PKP2: variants seen among roughly 807,000 people sequenced by gnomAD.
PKP2 encodes plakophilin-2.
Under a neutral mutation model 83.4 loss-of-function variants are expected in PKP2, and 73 were observed. That is an observed-to-expected ratio of 0.88 (90% CI 0.72 to 1.06). The LOEUF (loss-of-function observed/expected upper bound fraction) is 1.06, where lower values mean the gene tolerates loss of function less well. Ranked by LOEUF, PKP2 falls within the 50% of genes least tolerant of loss-of-function variation. The pLI is 0.00. For missense variants in PKP2, 966 were observed against 1,065.4 expected (o/e 0.91, Z 1.30); for synonymous variants, 409 against 430.4 (o/e 0.95, Z 0.62).
intron 9 of PKP2, 92 bp downstream of exon 9, chr12:32,821,264 T>C (rs1433130418): frequency 5.1e-6 from 6 of 1,170,120 alleles, no homozygotes; most frequent in Non-Finnish European, 7.6e-6. Flanking sequence ...GAAACCTTTT[T>C]CTCTTCCCTC....
chr12:32,893,601 T>C (rs917002305), intron 1 of PKP2: 2 of 152,214 alleles, frequency 1.3e-5, no homozygotes, highest in African/African-American at 2.4e-5. Context: ...CTCTGTCTGA[T>C]TTGTACTTCT....
intron 4 of PKP2, among the ~76,000 whole-genome samples, chr12:32,851,833 G>C (rs1956698786): frequency 6.6e-6 from 1 of 152,154 alleles, no homozygotes; most frequent in African/African-American, 2.4e-5. Flanking sequence ...ACTTATGCAA[G>C]CACTTTAAGC....
intron 3 of PKP2, among the ~76,000 whole-genome samples, chr12:32,872,112 A>G (rs1353478463): frequency 1.3e-5 from 2 of 152,202 alleles, no homozygotes; most frequent in African/African-American, 4.8e-5. Context: ...ACCCCTGAAC[A>G]TATTCTCCAG....
At chr12:32,833,925 T>C (rs7301365) in intron 6 of PKP2, among the ~76,000 whole-genome samples, 14,043 of 152,230 alleles carry the variant, frequency 0.092, 893 homozygotes, top group Non-Finnish European at 0.13. Flanking sequence ...GAAACTATAG[T>C]AACTCAGGAA....
intron 9 of PKP2, among the ~76,000 whole-genome samples, chr12:32,809,512 G>C (rs1956257909): frequency 6.6e-6 from 1 of 152,356 alleles, no homozygotes; most frequent in Middle Eastern, 3.4e-3. Flanking sequence ...CTTAACTTGT[G>C]AGGTGCTGTG....
intron 10 of PKP2, among the ~76,000 whole-genome samples, chr12:32,800,138 C>A (rs550384601): frequency 2.0e-5 from 3 of 152,252 alleles, no homozygotes; most frequent in East Asian, 1.9e-4. Flanking sequence ...CTTCTGAATA[C>A]GTGTTGTGTT....
chr12:32,890,008 G>A (rs1236402030), intron 1 of PKP2, among the ~76,000 whole-genome samples: 2 of 149,278 alleles, frequency 1.3e-5, no homozygotes, highest in Non-Finnish European at 3.0e-5. Flanking sequence ...CCGAGGAGAC[G>A]GAGGTTGCAG....
chr12:32,827,066 G>A (rs1956448712), intron 6 of PKP2, among the ~76,000 whole-genome samples: 1 of 152,228 alleles, frequency 6.6e-6, no homozygotes, highest in East Asian at 1.9e-4. Flanking sequence ...GTTTAAAATT[G>A]CTTTGACAAA....
At chr12:32,823,190 G>T (rs1956399444) in intron 7 of PKP2, among the ~76,000 whole-genome samples, 1 of 152,084 alleles carries the variant, frequency 6.6e-6, no homozygotes, top group Non-Finnish European at 1.5e-5. Context: ...TGAGGTGATG[G>T]ATCACCTGAG....
At chr12:32,892,818 C>CGGT (rs1957085632) in intron 1 of PKP2, among the ~76,000 whole-genome samples, 1 of 20,108 alleles carries the variant, frequency 5.0e-5, no homozygotes, top group Non-Finnish European at 1.0e-4. Context: ...GGGGTGGGGG[C>CGGT]GGGGGGGGGG....
rs747790233 is a variant in PKP2, at chr12:32,792,390, G to A, written c.*34C>T. The A allele has an allele frequency of 6.5e-7, 1 of 1,532,682 alleles. No homozygotes were observed. The highest frequency in any genetic ancestry group is 9.0e-7 in the Non-Finnish European group (1 of 1,105,576). 94.9% of individuals were successfully genotyped at this position (1,532,682 alleles called of 1,614,324 possible). ...AGAAAAATAGGTGTTTTCCTTTGGG[G>A]ATTTTTGCAGCCGAGAATACTTTGT... On this transcript the variant is annotated 3_prime_UTR_variant, in exon 13 of 13. Transcript: ENST00000340811.
intron 5 of PKP2, 120 bp from the exon 6 acceptor site, chr12:32,841,325 T>TG (rs1956590024): frequency 2.1e-5 from 16 of 775,810 alleles, no homozygotes; most frequent in Middle Eastern, 2.4e-4. Context: ...ATTTGGGGGG[T>TG]TGGGGGGCCA....
intron 3 of PKP2, among the ~76,000 whole-genome samples, chr12:32,873,500 A>C (rs1416751583): frequency 1.3e-5 from 2 of 152,008 alleles, no homozygotes; most frequent in Non-Finnish European, 2.9e-5. Flanking sequence ...CTAGACCATC[A>C]TACATCTCAC....
intron 4 of PKP2, among the ~76,000 whole-genome samples, chr12:32,851,331 T>A (rs11615926): frequency 0.17 from 25,131 of 152,162 alleles, 2,300 homozygotes; most frequent in Middle Eastern, 0.24. Context: ...GAGTTTTTTT[T>A]ATTAAATAAT....
intron 9 of PKP2, among the ~76,000 whole-genome samples, chr12:32,811,491 TAA>T (rs1956276847): frequency 6.6e-6 from 1 of 152,250 alleles, no homozygotes; most frequent in South Asian, 2.1e-4. Context: ...TTTAAAAATG[TAA>T]TGCTGTGTCT....
At chr12:32,879,126 T>G in intron 1 of PKP2, 94 bp from the exon 2 acceptor site, 1 of 761,752 alleles carries the variant, frequency 1.3e-6, no homozygotes, top group Non-Finnish European at 2.3e-6. Context: ...ACTTTTAAAT[T>G]TAAGTAATGA....
chr12:32,838,176 C>T (rs1592744992), intron 6 of PKP2, among the ~76,000 whole-genome samples: 2 of 152,272 alleles, frequency 1.3e-5, no homozygotes, highest in East Asian at 1.9e-4. Context: ...TCCTTGGCAG[C>T]AACATGGATG....
intron 6 of PKP2, among the ~76,000 whole-genome samples, chr12:32,836,600 T>C (rs372683327): frequency 1.3e-5 from 2 of 152,210 alleles, no homozygotes; most frequent in Non-Finnish European, 2.9e-5. Context: ...ATGGAAATAA[T>C]TTACTATAGT....
At chr12:32,827,545 C>A (rs1367948852) in intron 6 of PKP2, among the ~76,000 whole-genome samples, 11 of 152,056 alleles carry the variant, frequency 7.2e-5, no homozygotes, top group Non-Finnish European at 1.6e-4. Context: ...AGTACTTAAG[C>A]TTGTGGGAAT....
Sources: gnomAD v4.1 joint callset for allele counts (sites outside exome capture counted in the v4.1 genomes callset) on GRCh38, gnomAD v4.1.1 for gene constraint, MANE v1.5 for transcripts, NCBI Gene and HGNC (gene_info 2026-07-23, HGNC 2026-07-21) for gene names.